The following MAGI2 variants were observed in gnomAD, a reference collection of about 807,000 sequenced individuals.
The protein encoded by MAGI2 is membrane associated guanylate kinase, WW and PDZ domain containing 2, also known as membrane-associated guanylate kinase, WW and PDZ domain-containing protein 2.
In MAGI2, 35 loss-of-function variants were observed where a neutral mutation model predicts 133.3. The ratio of observed to expected loss-of-function variants is 0.26; its 90% CI spans 0.20 to 0.35. MAGI2 has a LOEUF of 0.35. Among genes scored for constraint, MAGI2 ranks in the 10% least tolerant of loss-of-function variants. The pLI is 1.00. For synonymous variants in MAGI2, 729 were observed against 710.6 expected, an observed-to-expected ratio of 1.03 and a Z score of -0.41; for missense variants, 1,636 against 1,863.4, an observed-to-expected ratio of 0.88 and a Z score of 2.25.
intron 6 of MAGI2, among the ~76,000 whole-genome samples, chr7:78,451,332 T>A (rs996147371): frequency 6.6e-6 from 1 of 152,068 alleles, no homozygotes; most frequent in Non-Finnish European, 1.5e-5. Context: ...CCTCCTGGTG[T>A]TTAGAACGCA....
intron 6 of MAGI2, among the ~76,000 whole-genome samples, chr7:78,465,353 G>C (rs780403876): frequency 6.6e-6 from 1 of 152,166 alleles, no homozygotes; most frequent in East Asian, 1.9e-4. Context: ...ACTATGTCTA[G>C]ATAGAGGACT....
intron 15 of MAGI2, among the ~76,000 whole-genome samples, chr7:78,166,936 G>A (rs1269548454): frequency 6.6e-6 from 1 of 152,068 alleles, no homozygotes; most frequent in Non-Finnish European, 1.5e-5. Context: ...TGGACTGCTG[G>A]GCAAGCTACC....
At chr7:78,736,009 C>T (rs1821814742) in intron 2 of MAGI2, among the ~76,000 whole-genome samples, 1 of 152,164 alleles carries the variant, frequency 6.6e-6, no homozygotes, top group African/African-American at 2.4e-5. Context: ...TCTGAAAACA[C>T]ATTTTTGAGT....
rs545391799 is a variant in MAGI2, at chr7:78,468,680, T to C, written c.1045+21081A>G. Among the ~76,000 whole-genome samples, 39 of 152,296 alleles carry C rather than the reference T, an allele frequency of 2.6e-4. No individual in the cohort carries two copies. The South Asian group carries it at 7.7e-3, about 30-fold the overall frequency. On this transcript the variant is annotated intron_variant, in intron 6 of 21. Coordinates refer to ENST00000354212, the MANE Select transcript of MAGI2 (RefSeq NM_012301.4). ...TTTGCTTTTTCATAGAAAAAAATCA[T>C]GTCCATGGAAATATATAGCTACTGG...
chr7:79,235,513 C>A (rs1201093227), intron 1 of MAGI2, among the ~76,000 whole-genome samples: 1 of 152,174 alleles, frequency 6.6e-6, no homozygotes, highest in Non-Finnish European at 1.5e-5. Flanking sequence ...GTTTTTTAAG[C>A]GGGTCTGAAA....
intron 3 of MAGI2, among the ~76,000 whole-genome samples, chr7:78,560,571 A>T (rs113375523): frequency 1.3e-5 from 2 of 152,344 alleles, no homozygotes; most frequent in South Asian, 2.1e-4. Context: ...GTTTAAAAAC[A>T]TGCAAAAAAT....
intron 2 of MAGI2, among the ~76,000 whole-genome samples, chr7:78,628,718 A>G (rs1016069400): frequency 1.3e-5 from 2 of 150,152 alleles, no homozygotes; most frequent in East Asian, 2.0e-4. Flanking sequence ...GCTGAGTCAC[A>G]TTTTGCAATA....
At chr7:79,358,383 C>T (rs1202762139) in intron 1 of MAGI2, among the ~76,000 whole-genome samples, 1 of 151,952 alleles carries the variant, frequency 6.6e-6, no homozygotes, top group African/African-American at 2.4e-5. Flanking sequence ...CCAAAGCATC[C>T]TAATTTGTGC....
chr7:79,265,114 C>T (rs1834351471), intron 1 of MAGI2, among the ~76,000 whole-genome samples: 1 of 152,134 alleles, frequency 6.6e-6, no homozygotes, highest in Non-Finnish European at 1.5e-5. Context: ...TGAATTTCCA[C>T]AACTAAACAT....
intron 10 of MAGI2, among the ~76,000 whole-genome samples, chr7:78,237,989 C>T (rs1397052988): frequency 6.6e-6 from 1 of 152,116 alleles, no homozygotes; most frequent in Non-Finnish European, 1.5e-5. Context: ...TCCAAAGCTA[C>T]CTTCTCCGTC....
chr7:79,167,627 C>A (rs193049368), intron 1 of MAGI2, among the ~76,000 whole-genome samples: 5 of 152,020 alleles, frequency 3.3e-5, no homozygotes, highest in African/African-American at 1.2e-4. Context: ...AAGGAAACAA[C>A]CTCCTCCTGC....
At position 78,499,308 on chromosome 7, in the gene MAGI2, G is replaced by A. The variant is rs1021226439; in HGVS notation, c.965+2269C>T. 4.6e-5 allele frequency among the ~76,000 whole-genome samples: 7 copies of A among 152,168 alleles called. No homozygotes were observed. In the East Asian group the frequency reaches 9.7e-4, roughly 21 times the overall value. Reference sequence around the variant, plus strand: ...GTCTATGTTATCTCACCTTCTCTGCGGTGCCCCTTTTATATCTTAAATCTA... The same window carrying A: ...GTCTATGTTATCTCACCTTCTCTGCAGTGCCCCTTTTATATCTTAAATCTA... On this transcript the variant is annotated intron_variant, in intron 5 of 21. Transcript: ENST00000354212.
At chr7:78,869,179 T>C (rs1340085170) in intron 2 of MAGI2, among the ~76,000 whole-genome samples, 1 of 152,236 alleles carries the variant, frequency 6.6e-6, no homozygotes, top group East Asian at 1.9e-4. Flanking sequence ...TTTTCTCCCC[T>C]TCTGTGGGTT....
intron 1 of MAGI2, among the ~76,000 whole-genome samples, chr7:79,017,256 C>A (rs1808832076): frequency 6.6e-6 from 1 of 152,150 alleles, no homozygotes; most frequent in African/African-American, 2.4e-5. Flanking sequence ...CCTCCAGGGG[C>A]CACAGAATAA....
At chr7:79,207,475 A>T (rs1199028639) in intron 1 of MAGI2, among the ~76,000 whole-genome samples, 5 of 151,856 alleles carry the variant, frequency 3.3e-5, no homozygotes, top group Non-Finnish European at 7.4e-5. Flanking sequence ...ATTGCTACAA[A>T]ATATAAAATA....
chr7:78,310,062 A>G (rs1170883726), intron 9 of MAGI2, among the ~76,000 whole-genome samples: 1 of 152,168 alleles, frequency 6.6e-6, no homozygotes, highest in Admixed American at 6.5e-5. Flanking sequence ...CCATAAAAGC[A>G]AAAAATTATT....
intron 1 of MAGI2, among the ~76,000 whole-genome samples, chr7:79,195,766 C>T (rs1046684969): frequency 1.3e-5 from 2 of 150,950 alleles, no homozygotes; most frequent in Middle Eastern, 3.2e-3. Context: ...CCTTATCCAG[C>T]ATCAATCTAA....
chr7:78,885,326 T>C (rs896458941), intron 2 of MAGI2, among the ~76,000 whole-genome samples: 3 of 152,098 alleles, frequency 2.0e-5, no homozygotes, highest in Admixed American at 6.6e-5. Flanking sequence ...AAATTACTAA[T>C]AAAAAATCAA....
chr7:79,095,784 A>C (rs1817461755), intron 1 of MAGI2, among the ~76,000 whole-genome samples: 1 of 152,240 alleles, frequency 6.6e-6, no homozygotes, highest in Non-Finnish European at 1.5e-5. Flanking sequence ...AATCGATATG[A>C]AAATAATAAA....
Sources: gnomAD v4.1 joint callset for allele counts (sites outside exome capture counted in the v4.1 genomes callset) on GRCh38, gnomAD v4.1.1 for gene constraint, MANE v1.5 for transcripts, NCBI Gene and HGNC (gene_info 2026-07-23, HGNC 2026-07-21) for gene names.